Variants in GPC4 observed in about 807,000 individuals in gnomAD.
The protein encoded by GPC4 is glypican 4.
A neutral mutation model predicts 35.0 loss-of-function variants in GPC4; 10 were observed. That is an observed-to-expected ratio of 0.29 (90% CI 0.18 to 0.48). The LOEUF is 0.48. Ranked by LOEUF, GPC4 falls within the 20% of genes least tolerant of loss-of-function variation. The pLI, the probability that GPC4 is intolerant of heterozygous loss-of-function variation, is 0.99. For missense variants in GPC4, 322 were observed against 451.3 expected (o/e 0.71, Z 2.60); for synonymous variants, 167 against 170.2 (o/e 0.98, Z 0.15).
intron 2 of GPC4, among the ~76,000 whole-genome samples, chrX:133,336,470 G>A: frequency 9.0e-6 from 1 of 111,054 alleles, no homozygotes; most frequent in Non-Finnish European, 1.9e-5. Flanking sequence ...AGGAGGCAGA[G>A]GTTGCAGTGA....
intron 1 of GPC4, among the ~76,000 whole-genome samples, chrX:133,377,889 CTT>C (rs774106053): frequency 2.6e-4 from 19 of 72,750 alleles, no homozygotes; most frequent in Admixed American, 2.9e-4. Flanking sequence ...TTTTTTTTTT[CTT>C]TTTTTTTTTT....
chrX:133,304,714 C>G lies in GPC4; in HGVS notation c.1292+11G>C. 8.3e-7 allele frequency: 1 copy of G among 1,210,636 alleles called. No individual in the cohort carries two copies. On this transcript the variant is annotated intron_variant, in intron 7 of 8. Transcript: ENST00000370828. Reference sequence around the variant, plus strand: ...AGGGAGAAACTTCAAATTCATTCAACAGACACTAACCTGCTTTTGCCTTTC... The same window carrying G: ...AGGGAGAAACTTCAAATTCATTCAAGAGACACTAACCTGCTTTTGCCTTTC...
At position 133,302,642 on chromosome X, in the gene GPC4, G is replaced by T; in HGVS notation, c.*225C>A. 2.4e-6 allele frequency: 1 copy of T among 416,295 alleles called. No individual in the cohort carries two copies. The highest frequency in any genetic ancestry group is 2.5e-5 in the African/African-American group (1 of 40,700). 34.3% of individuals were successfully genotyped at this position (416,295 alleles called of 1,213,427 possible). A position where few individuals can be genotyped will look rare whatever the true frequency, so the allele number is the denominator to read the frequency against. ...GTTCTGTACCTACACTGTTAGCCAC[G>T]TTTAACATGGTTTGGGGGAGCAGGA... is the stretch of plus-strand genomic sequence containing the variant. On this transcript the variant is annotated 3_prime_UTR_variant, in exon 9 of 9. Coordinates refer to ENST00000370828, the MANE Select transcript of GPC4 (RefSeq NM_001448.3).
At chrX:133,411,694 T>C (rs999078391) in intron 1 of GPC4, among the ~76,000 whole-genome samples, 2 of 111,785 alleles carry the variant, frequency 1.8e-5, no homozygotes, top group Admixed American at 9.5e-5. Context: ...GTCTCCACAA[T>C]GCTGAGCAGA....
intron 1 of GPC4, among the ~76,000 whole-genome samples, chrX:133,354,724 G>A (rs901655754): frequency 5.7e-5 from 6 of 105,871 alleles, no homozygotes; most frequent in Admixed American, 3.0e-4. Context: ...GCCCGCCACC[G>A]CGCCCGGCTA....
rs200185092 is a variant in GPC4, at chrX:133,324,113, A to G, written c.711+32T>C. 537 of 1,145,716 alleles carry G rather than the reference A, an allele frequency of 4.7e-4. 1 individual carries two copies. The Middle Eastern group carries it at 5.6e-3, about 12-fold the overall frequency. 94.4% of individuals were successfully genotyped at this position (1,145,716 alleles called of 1,213,427 possible). ...TTTTAACATGAAAGAAAACAAAACA[A>G]AAACAAAACAGAGAAGACAAGGAGT... On this transcript the variant is annotated intron_variant, in intron 3 of 8. Transcript: ENST00000370828.
chrX:133,361,466 C>A (rs1200279610), intron 1 of GPC4, among the ~76,000 whole-genome samples: 1 of 111,070 alleles, frequency 9.0e-6, no homozygotes, highest in Non-Finnish European at 1.9e-5. Flanking sequence ...ACACAGTTTG[C>A]CATTTGGGAA....
rs1274406826 is a variant in GPC4 at position 133,300,255 on chromosome X, C to G, written c.*2612G>C. 1 of 112,101 alleles carries G rather than the reference C, an allele frequency of 8.9e-6. No homozygotes were observed. Among genetic ancestry groups the G allele is most frequent in the Non-Finnish European group, 1.9e-5 (1 of 53,228 alleles). 9.2% of individuals were successfully genotyped at this position (112,101 alleles called of 1,213,427 possible). On this transcript the variant is annotated 3_prime_UTR_variant, in exon 9 of 9. Transcript: ENST00000370828. ...TGTCTTTTAATCAAAATAACAGGTG[C>G]TAGTTACGATTTTTGAAATAAAATA...
intron 1 of GPC4, among the ~76,000 whole-genome samples, chrX:133,346,121 T>C (rs994306994): frequency 9.0e-6 from 1 of 111,398 alleles, no homozygotes; most frequent in Non-Finnish European, 1.9e-5. Context: ...CCTATGCAAA[T>C]GTCTGATTGG....
At chrX:133,336,263 G>T (rs1285736817) in intron 2 of GPC4, among the ~76,000 whole-genome samples, 1 of 111,227 alleles carries the variant, frequency 9.0e-6, no homozygotes, top group Non-Finnish European at 1.9e-5. Flanking sequence ...CGCCAGGCGC[G>T]GTGGCTCATG....
At chrX:133,371,258 C>G (rs1312826161) in intron 1 of GPC4, among the ~76,000 whole-genome samples, 2 of 112,478 alleles carry the variant, frequency 1.8e-5, no homozygotes, top group Non-Finnish European at 3.8e-5. Flanking sequence ...TTCTAGGGCT[C>G]AGACTAGCCT....
chrX:133,308,508 C>T (rs2068300665), intron 4 of GPC4, among the ~76,000 whole-genome samples: 1 of 111,568 alleles, frequency 9.0e-6, no homozygotes, highest in Non-Finnish European at 1.9e-5. Context: ...TCATATAAAC[C>T]AGCGTCTTAT....
chrX:133,312,294 C>T (rs939036451), intron 3 of GPC4, among the ~76,000 whole-genome samples: 5 of 110,579 alleles, frequency 4.5e-5, no homozygotes, highest in African/African-American at 6.6e-5. Flanking sequence ...CAGGAGTATG[C>T]GTGTGGCCAG....
At chrX:133,410,592 A>T (rs1458528301) in intron 1 of GPC4, among the ~76,000 whole-genome samples, 2 of 111,899 alleles carry the variant, frequency 1.8e-5, no homozygotes, top group East Asian at 5.6e-4. Context: ...AGCCAGAGAG[A>T]CTCACTTCCA....
At position 133,324,249 on chromosome X, in the gene GPC4, C is replaced by T; in HGVS notation, c.607G>A (p.Val203Ile). The T allele has an allele frequency of 8.3e-7, 1 of 1,211,584 alleles. No individual in the cohort carries two copies. Among genetic ancestry groups the T allele is most frequent in the Non-Finnish European group, 1.1e-6 (1 of 895,489 alleles). Reference sequence around the variant, plus strand: ...ACCTGGAGCTTCAATTTGCGAGGGACATCTCCGAAGGGCTTCAGCTGCTCC... The same window carrying T: ...ACCTGGAGCTTCAATTTGCGAGGGATATCTCCGAAGGGCTTCAGCTGCTCC... ...YTEQLKPFGDVPRKLKLQVTR... is the reference protein window; with the variant it reads ...YTEQLKPFGDIPRKLKLQVTR... Residue 203 changes from valine (V) to isoleucine (I), a missense_variant, in exon 3 of 9, where the codon GTC (valine) becomes ATC (isoleucine). Physicochemically the swap from Val to Ile is conservative, Grantham distance 29. Transcript: ENST00000370828.
At chrX:133,414,162 T>A (rs2068826403) in intron 1 of GPC4, among the ~76,000 whole-genome samples, 1 of 107,798 alleles carries the variant, frequency 9.3e-6, no homozygotes, top group African/African-American at 3.4e-5. Flanking sequence ...GGGTGGAGAG[T>A]GGGGGTAGTC....
intron 7 of GPC4, among the ~76,000 whole-genome samples, chrX:133,303,903 G>GAGGGAGGA (rs775171080): frequency 1.9e-4 from 14 of 75,401 alleles, no homozygotes; most frequent in African/African-American, 5.7e-4. Context: ...TACTCTGTTG[G>GAGGGAGGA]AGGAAGGAAG....
At chrX:133,387,595 A>G (rs1330264815) in intron 1 of GPC4, among the ~76,000 whole-genome samples, 1 of 112,328 alleles carries the variant, frequency 8.9e-6, no homozygotes, top group Admixed American at 9.5e-5. Flanking sequence ...TTAAGATATT[A>G]TGCTCAAATT....
At position 133,305,697 on chromosome X, in the gene GPC4, A is replaced by G. The variant is rs140371664; in HGVS notation, c.1155+75T>C. On this transcript the variant is annotated intron_variant, in intron 6 of 8. Coordinates refer to ENST00000370828, the MANE Select transcript of GPC4 (RefSeq NM_001448.3). ...AAAGACCCACACTTGTTAGCCTTCC[A>G]GCTAAAAATTCATTTTGAGCAAGAG... The G allele has an allele frequency of 2.7e-4, 306 of 1,143,438 alleles. 1 individual carries two copies. In the African/African-American group the frequency reaches 5.0e-3, roughly 19 times the overall value. The allele number at this position is 1,143,438 out of a possible 1,213,427, so 94.2% of individuals were successfully genotyped here. A position where few individuals can be genotyped will look rare whatever the true frequency, so the allele number is the denominator to read the frequency against.
Sources: allele counts gnomAD v4.1 joint callset (sites outside exome capture counted in the v4.1 genomes callset), GRCh38; gene constraint gnomAD v4.1.1; transcripts MANE v1.5; gene names NCBI Gene and HGNC (gene_info 2026-07-23, HGNC 2026-07-21).